NLGN1: variants seen among roughly 807,000 people sequenced by gnomAD.
The protein encoded by NLGN1 is neuroligin-1.
A neutral mutation model predicts 65.5 loss-of-function variants in NLGN1; 12 were observed. The ratio of observed to expected loss-of-function variants is 0.18; its 90% CI spans 0.12 to 0.30. NLGN1 has a LOEUF of 0.30. NLGN1 is among the 10% of genes least tolerant of loss of function. The probability of loss-of-function intolerance (pLI) is 1.00; values close to 1 mark genes in which losing one functional copy is unlikely to be tolerated. For missense variants in NLGN1, 750 were observed against 1,007.1 expected, an observed-to-expected ratio of 0.74 and a Z score of 3.46; for synonymous variants, 350 against 359.5, an observed-to-expected ratio of 0.97 and a Z score of 0.30.
chr3:173,606,974 G>A (rs992022193), intron 3 of NLGN1, among the ~76,000 whole-genome samples: 3 of 151,942 alleles, frequency 2.0e-5, no homozygotes, highest in African/African-American at 7.2e-5. Flanking sequence ...AATTAGCTAA[G>A]TGACTTTCGC....
At chr3:174,079,873 T>A (rs546654339) in intron 4 of NLGN1, among the ~76,000 whole-genome samples, 1 of 151,890 alleles carries the variant, frequency 6.6e-6, no homozygotes, top group African/African-American at 2.4e-5. Flanking sequence ...CTACACACAC[T>A]GGGGCCTATT....
chr3:174,043,703 G>A (rs1261975827), intron 4 of NLGN1, among the ~76,000 whole-genome samples: 1 of 152,224 alleles, frequency 6.6e-6, no homozygotes, highest in Non-Finnish European at 1.5e-5. Flanking sequence ...GCTTTCACAG[G>A]TTGGTGTTGA....
intron 2 of NLGN1, among the ~76,000 whole-genome samples, chr3:173,483,581 A>G (rs901057753): frequency 6.6e-6 from 1 of 152,136 alleles, no homozygotes; most frequent in African/African-American, 2.4e-5. Context: ...ACAAACAGTT[A>G]AAGACAAAGT....
At chr3:173,755,996 A>G (rs1777056595) in intron 3 of NLGN1, among the ~76,000 whole-genome samples, 1 of 152,096 alleles carries the variant, frequency 6.6e-6, no homozygotes, top group Non-Finnish European at 1.5e-5. Flanking sequence ...GGCATTTTGC[A>G]TTATATATGG....
chr3:173,904,539 A>G (rs1212626606), intron 4 of NLGN1, among the ~76,000 whole-genome samples: 1 of 151,364 alleles, frequency 6.6e-6, no homozygotes, highest in Admixed American at 6.6e-5. Flanking sequence ...TTTCAAGTGC[A>G]TAACCACAAA....
chr3:174,263,929 T>C (rs1312130350), intron 4 of NLGN1, among the ~76,000 whole-genome samples: 1 of 151,168 alleles, frequency 6.6e-6, no homozygotes, highest in Non-Finnish European at 1.5e-5. Flanking sequence ...ATTTTATTTC[T>C]CCTTCACTTA....
exon 7 of NLGN1, chr3:174,286,182 TTATA>T (rs1752094112): frequency 6.6e-6 from 1 of 151,444 alleles, no homozygotes; most frequent in African/African-American, 2.4e-5. Context: ...ACTATATGGT[TTATA>T]TAACATTTAT....
At chr3:173,617,392 A>G (rs1753273875) in intron 3 of NLGN1, among the ~76,000 whole-genome samples, 2 of 152,236 alleles carry the variant, frequency 1.3e-5, no homozygotes, top group Admixed American at 6.5e-5. Context: ...CATTCATTGA[A>G]AACATAATCA....
chr3:174,247,011 GA>G (rs1317112841), intron 4 of NLGN1, among the ~76,000 whole-genome samples: 1 of 152,110 alleles, frequency 6.6e-6, no homozygotes, highest in African/African-American at 2.4e-5. Flanking sequence ...CAATTCCTAA[GA>G]ACCAATAGCA....
chr3:174,223,746 C>T (rs989017618), intron 4 of NLGN1, among the ~76,000 whole-genome samples: 4 of 152,156 alleles, frequency 2.6e-5, no homozygotes, highest in Non-Finnish European at 5.9e-5. Context: ...TGCATATTTG[C>T]ATCTCAAATC....
intron 2 of NLGN1, chr3:173,584,593 C>T (rs1040507062): frequency 2.0e-5 from 3 of 151,836 alleles, no homozygotes; most frequent in South Asian, 2.1e-4. Context: ...CGAGATAAAT[C>T]TATTGGATTA....
At chr3:173,539,676 TA>T (rs1443587961) in intron 2 of NLGN1, among the ~76,000 whole-genome samples, 2 of 119,168 alleles carry the variant, frequency 1.7e-5, no homozygotes, top group Non-Finnish European at 3.2e-5. Context: ...TGCACATATA[TA>T]ACATACATAT....
intron 4 of NLGN1, among the ~76,000 whole-genome samples, chr3:174,080,097 A>G (rs923193636): frequency 6.6e-6 from 1 of 152,224 alleles, no homozygotes; most frequent in African/African-American, 2.4e-5. Flanking sequence ...CTCTCCACAT[A>G]TTACATTTGA....
chr3:174,044,723 A>G (rs1733145461), intron 4 of NLGN1, among the ~76,000 whole-genome samples: 1 of 152,074 alleles, frequency 6.6e-6, no homozygotes, highest in African/African-American at 2.4e-5. Flanking sequence ...ATATGGTTTG[A>G]CTGTGTCCCC....
chr3:173,768,369 AC>A (rs1779075298), intron 3 of NLGN1, among the ~76,000 whole-genome samples: 1 of 152,142 alleles, frequency 6.6e-6, no homozygotes, highest in Non-Finnish European at 1.5e-5. Context: ...CTGAGAGAAA[AC>A]TTGGTGAGAC....
chr3:173,455,591 G>T (rs918561457), intron 2 of NLGN1, among the ~76,000 whole-genome samples: 1 of 152,050 alleles, frequency 6.6e-6, no homozygotes, highest in Non-Finnish European at 1.5e-5. Flanking sequence ...TTGGAAAAAT[G>T]GTGCTGATAG....
At chr3:174,171,776 C>T (rs561659815) in intron 4 of NLGN1, among the ~76,000 whole-genome samples, 44 of 152,188 alleles carry the variant, frequency 2.9e-4, no homozygotes, top group African/African-American at 9.6e-4. Context: ...AACAGTCCCA[C>T]GACCTTTTCC....
chr3:173,679,305 T>C (rs1270419756), intron 3 of NLGN1, among the ~76,000 whole-genome samples: 1 of 151,746 alleles, frequency 6.6e-6, no homozygotes, highest in Non-Finnish European at 1.5e-5. Context: ...AAATGCGCAG[T>C]TCAAGAAATT....
chr3:173,606,365 C>T (rs772004327), intron 3 of NLGN1, among the ~76,000 whole-genome samples: 18 of 152,068 alleles, frequency 1.2e-4, no homozygotes, highest in Non-Finnish European at 2.2e-4. Context: ...CTTGTCCACA[C>T]TCCACTTTTA....
Sources: allele counts gnomAD v4.1 joint callset (sites outside exome capture counted in the v4.1 genomes callset), GRCh38; gene constraint gnomAD v4.1.1; transcripts MANE v1.5; gene names NCBI Gene and HGNC (gene_info 2026-07-23, HGNC 2026-07-21).